Variants in ACSL3 observed in about 807,000 individuals in gnomAD.
ACSL3 encodes acyl-CoA synthetase long chain family member 3, also known as fatty acid CoA ligase Acsl3.
ACSL3 carries 34 observed loss-of-function variants against 84.7 expected under a neutral mutation model. The observed-to-expected ratio is 0.40, with a 90% CI of 0.31 to 0.53. ACSL3 has a LOEUF of 0.53. Among genes scored for constraint, ACSL3 ranks in the 20% least tolerant of loss-of-function variants. The pLI is 0.48. For synonymous variants in ACSL3, 315 were observed against 299.4 expected, an observed-to-expected ratio of 1.05 and a Z score of -0.54; for missense variants, 680 against 873.1, an observed-to-expected ratio of 0.78 and a Z score of 2.79.
chr2:222,870,840 G>A (rs1370127862), intron 1 of ACSL3, among the ~76,000 whole-genome samples: 2 of 152,170 alleles, frequency 1.3e-5, no homozygotes, highest in Non-Finnish European at 2.9e-5. Flanking sequence ...GTTTGGAATT[G>A]TTTTTTATTC....
intron 1 of ACSL3, among the ~76,000 whole-genome samples, chr2:222,875,540 G>A (rs1695424433): frequency 6.6e-6 from 1 of 152,260 alleles, no homozygotes; most frequent in South Asian, 2.1e-4. Flanking sequence ...AAAAGAATAG[G>A]AATAATTTCT....
chr2:222,912,105 TCATTG>T (rs1390324743), intron 4 of ACSL3, among the ~76,000 whole-genome samples: 2 of 152,238 alleles, frequency 1.3e-5, no homozygotes, highest in Non-Finnish European at 2.9e-5. Flanking sequence ...TTCTTTAGGT[TCATTG>T]GGAAAGTAGA....
intron 11 of ACSL3, among the ~76,000 whole-genome samples, chr2:222,925,930 A>G (rs1696865310): frequency 6.6e-6 from 1 of 152,206 alleles, no homozygotes; most frequent in Admixed American, 6.5e-5. Flanking sequence ...ATGACATTCA[A>G]AGTATTTTTT....
At chr2:222,900,948 A>G (rs10932976) in intron 3 of ACSL3, among the ~76,000 whole-genome samples, 168 bp downstream of exon 3, 127,329 of 152,200 alleles carry the variant, frequency 0.84, 53,617 homozygotes, top group East Asian at 0.97. Context: ...GTCTCCTCCC[A>G]GCCCTGCTCT....
At chr2:222,911,611 T>G (rs1323235917) in intron 4 of ACSL3, among the ~76,000 whole-genome samples, 1 of 152,244 alleles carries the variant, frequency 6.6e-6, no homozygotes, top group African/African-American at 2.4e-5. Flanking sequence ...TTCATTTTAA[T>G]GTGGCTAGTA....
Position 222,927,091 on chromosome 2 carries a change from C to G in ACSL3, c.1367C>G (p.Ser456Cys), listed in dbSNP as rs774357924. The G allele has an allele frequency of 1.9e-6, 3 of 1,614,162 alleles. No homozygotes were observed. Among genetic ancestry groups the G allele is most frequent in the South Asian group, 1.1e-5 (1 of 91,088 alleles). The change falls in exon 12 of 17, where the codon TCT becomes TGT. Residue 456 changes from serine to cysteine, a missense_variant. Transcript: ENST00000357430. ...RLLLCGGAPL[S>C]ATTQRFMNIC... ...CTGTTGTGTGGTGGCGCTCCACTTT[C>G]TGCAACCACGCAGCGATTCATGAAC...
At chr2:222,915,728 A>G (rs763379453) in intron 4 of ACSL3, among the ~76,000 whole-genome samples, 2 of 152,224 alleles carry the variant, frequency 1.3e-5, no homozygotes, top group Non-Finnish European at 2.9e-5. Context: ...TTTGAATAAT[A>G]TAACTAGTCC....
chr2:222,878,823 C>T (rs1052899637), intron 1 of ACSL3, among the ~76,000 whole-genome samples: 1 of 152,174 alleles, frequency 6.6e-6, no homozygotes, highest in African/African-American at 2.4e-5. Context: ...TTTTCAGAGC[C>T]CTTACTCTAT....
intron 5 of ACSL3, 119 bp from the exon 6 acceptor site, chr2:222,917,927 C>A: frequency 1.5e-6 from 1 of 662,074 alleles, no homozygotes; most frequent in Non-Finnish European, 2.6e-6. Context: ...CACTTATAGA[C>A]TGTGGATTTA....
intron 1 of ACSL3, among the ~76,000 whole-genome samples, chr2:222,882,989 G>A (rs1362560754): frequency 1.3e-5 from 2 of 151,348 alleles, no homozygotes; most frequent in Non-Finnish European, 2.9e-5. Flanking sequence ...GGATGGGCTC[G>A]AATCTCCTGA....
intron 12 of ACSL3, among the ~76,000 whole-genome samples, chr2:222,928,532 A>T (rs1037198459): frequency 1.2e-4 from 19 of 152,166 alleles, no homozygotes; most frequent in Non-Finnish European, 2.4e-4. Context: ...AGGAGCAGGC[A>T]TGCCCTCTCT....
At chr2:222,906,999 G>T (rs192255073) in intron 3 of ACSL3, among the ~76,000 whole-genome samples, 1 of 152,154 alleles carries the variant, frequency 6.6e-6, no homozygotes, top group Non-Finnish European at 1.5e-5. Context: ...TTGCTAAGGG[G>T]CTCTGTGTTC....
Position 222,933,218 on chromosome 2 carries a change from G to A in ACSL3, c.1785G>A (p.Gly595=), listed in dbSNP as rs1697076483. Residue 595 remains glycine (G), a synonymous_variant, in exon 15 of 17, where the codon GGG becomes GGA. Coordinates refer to ENST00000357430, the MANE Select transcript of ACSL3 (RefSeq NM_004457.5). ...AGGCAGGGGAATATGTTTCTCTTGG[G>A]AAAGTAGAGGCAGCTTTGAAGAATC... ...KLQAGEYVSL[G]KVEAALKNLP... 1 of 1,613,834 alleles carries A rather than the reference G, an allele frequency of 6.2e-7. No homozygotes were observed. The highest frequency in any genetic ancestry group is 1.7e-5 in the Admixed American group (1 of 59,990).
Position 222,874,834 on chromosome 2 carries a change from A to T in ACSL3, c.-206-12996A>T, listed in dbSNP as rs116252769. Among the ~76,000 whole-genome samples the T allele has an allele frequency of 7.4e-3, 1,129 of 152,150 alleles. 22 individuals carry two copies. The highest frequency in any genetic ancestry group is 0.025 in the African/African-American group (1,052 of 41,522). ...TTTATAGATTTACAGTTTTTAAATT[A>T]CATTGGCTCACTACTGTAATCCCAG... On this transcript the variant is annotated intron_variant, in intron 1 of 16. Transcript: ENST00000357430.
At chr2:222,906,229 C>T (rs1319171082) in intron 3 of ACSL3, among the ~76,000 whole-genome samples, 8 of 152,154 alleles carry the variant, frequency 5.3e-5, no homozygotes, top group African/African-American at 1.9e-4. Flanking sequence ...TGTTTCTCCT[C>T]AAGAGGGTAC....
chr2:222,896,613 G>A (rs1382722374), intron 2 of ACSL3, among the ~76,000 whole-genome samples: 1 of 10,614 alleles, frequency 9.4e-5, no homozygotes, highest in Non-Finnish European at 1.4e-4. Flanking sequence ...GCGGCTGGCC[G>A]GGCAGAGGGG....
chr2:222,919,163 A>C lies in ACSL3; in HGVS notation c.766A>C (p.Met256Leu). The C allele has an allele frequency of 6.2e-7, 1 of 1,614,116 alleles. No individual in the cohort carries two copies. Among genetic ancestry groups the C allele is most frequent in the Non-Finnish European group, 8.5e-7 (1 of 1,179,988 alleles). ...EFPKGIIVHT[M>L]AAVEALGAKA... ...CCCCAAGGGCATCATTGTGCATACC[A>C]TGGCTGCAGTGGAGGCCCTGGGAGC... The change falls in exon 7 of 17, where the codon ATG (methionine) becomes CTG (leucine). Residue 256 changes from methionine to leucine, a missense_variant. Physicochemically the swap from Met to Leu is conservative, Grantham distance 15. Around this residue, in one of 2 missense-constraint regions of ACSL3, gnomAD observed 333 missense variants for 347.5 expected, o/e 0.96. Coordinates refer to ENST00000357430, the MANE Select transcript of ACSL3 (RefSeq NM_004457.5).
rs1387005462 is a variant in ACSL3 at position 222,944,245 on chromosome 2, C to A, written c.*2591C>A. ...TCAGCAACGTTTAAAAATAGATTAA[C>A]CTGGAATAACTTACTTGTTTGCTGC... On this transcript the variant is annotated 3_prime_UTR_variant, in exon 17 of 17. Coordinates refer to ENST00000357430, the MANE Select transcript of ACSL3 (RefSeq NM_004457.5). 3.3e-5 allele frequency: 5 copies of A among 152,072 alleles called. No homozygotes were observed. In the East Asian group the frequency reaches 9.6e-4, roughly 29 times the overall value. 9.4% of individuals were successfully genotyped at this position (152,072 alleles called of 1,614,324 possible).
At chr2:222,937,794 CATT>C (rs1358623476) in intron 16 of ACSL3, among the ~76,000 whole-genome samples, 2 of 152,052 alleles carry the variant, frequency 1.3e-5, no homozygotes, top group African/African-American at 2.4e-5. Context: ...CATTTCAGGT[CATT>C]ATTGATATGA....
Sources: gnomAD v4.1 joint callset for allele counts (sites outside exome capture counted in the v4.1 genomes callset) on GRCh38, gnomAD v4.1.1 for gene constraint, gnomAD v4.1.1 regional missense constraint, MANE v1.5 for transcripts, NCBI Gene and HGNC (gene_info 2026-07-23, HGNC 2026-07-21) for gene names.